STAM2: variants seen among roughly 807,000 people sequenced by gnomAD.
STAM2 encodes the protein signal transducing adaptor molecule 2, also known as signal transducing adapter molecule 2.
In STAM2, 51 loss-of-function variants were observed where a neutral mutation model predicts 65.6. That is an observed-to-expected ratio of 0.78 (90% CI 0.62 to 0.98). STAM2 has a LOEUF of 0.98. STAM2 is among the 50% of genes least tolerant of loss of function. The probability of loss-of-function intolerance (pLI) is 0.00; values close to 1 mark genes in which losing one functional copy is unlikely to be tolerated. For synonymous variants in STAM2, 198 were observed against 208.4 expected (o/e 0.95, Z 0.43); for missense variants, 584 against 617.8 (o/e 0.95, Z 0.58).
intron 4 of STAM2, among the ~76,000 whole-genome samples, chr2:152,147,534 T>C (rs1051829485): frequency 6.6e-6 from 1 of 152,198 alleles, no homozygotes; most frequent in Non-Finnish European, 1.5e-5. Context: ...TCCTAAGTCT[T>C]ACTATAATGA....
chr2:152,120,368 A>T lies in STAM2; in HGVS notation c.*206T>A. The T allele has an allele frequency of 1.8e-6, 1 of 551,688 alleles. No homozygotes were observed. The highest frequency in any genetic ancestry group is 2.5e-5 in the South Asian group (1 of 40,772). 34.2% of individuals were successfully genotyped at this position (551,688 alleles called of 1,614,324 possible). On this transcript the variant is annotated 3_prime_UTR_variant, in exon 14 of 14. Coordinates refer to ENST00000263904, the MANE Select transcript of STAM2 (RefSeq NM_005843.6). ...AGCATCTTTAAGCTGCCTCTGATGA[A>T]AAGATTGACTTCAAACAAACTGGAC...
chr2:152,119,684 C>T lies in STAM2; in HGVS notation c.*890G>A, dbSNP rs1408139179. ...GACCATATCTTCATTAGAGAATAGC[C>T]AAAATCACTTGAAAAGGTTATTAGT... is the stretch of plus-strand genomic sequence containing the variant. On this transcript the variant is annotated 3_prime_UTR_variant, in exon 14 of 14. Transcript: ENST00000263904. 1 of 152,110 alleles carries T rather than the reference C, an allele frequency of 6.6e-6. No individual in the cohort carries two copies. The highest frequency in any genetic ancestry group is 6.6e-5 in the Admixed American group (1 of 15,260). 9.4% of individuals were successfully genotyped at this position (152,110 alleles called of 1,614,324 possible). A position where few individuals can be genotyped will look rare whatever the true frequency, so the allele number is the denominator to read the frequency against.
At chr2:152,131,874 G>C (rs1382611035) in intron 11 of STAM2, 4 of 488,136 alleles carry the variant, frequency 8.2e-6, no homozygotes, top group Non-Finnish European at 1.5e-5. Flanking sequence ...GAACAGACTG[G>C]TTAAAAGTAA....
chr2:152,175,187 G>A (rs1010459491), intron 1 of STAM2, among the ~76,000 whole-genome samples: 4 of 152,172 alleles, frequency 2.6e-5, no homozygotes, highest in African/African-American at 4.8e-5. Flanking sequence ...TCTAGTGTTG[G>A]GCTTCTCTAG....
chr2:152,120,791 T>C lies in STAM2; in HGVS notation c.1361A>G (p.Asp454Gly). The C allele has an allele frequency of 6.2e-7, 1 of 1,614,018 alleles. No homozygotes were observed. The highest frequency in any genetic ancestry group is 1.3e-5 in the African/African-American group (1 of 75,044). Residue 454 changes from aspartate to glycine, a missense_variant, in exon 14 of 14, where the codon GAC (aspartate) becomes GGC (glycine). Coordinates refer to ENST00000263904, the MANE Select transcript of STAM2 (RefSeq NM_005843.6). ...AQTSYLSTGQDTVSNPTYMNQ... is the reference protein window; with the variant it reads ...AQTSYLSTGQGTVSNPTYMNQ... ...CATATAAGTAGGATTGGAAACAGTG[T>C]CTTGTCCAGTGCTACAAACAAAATT...
chr2:152,175,589 G>A lies in STAM2; in HGVS notation c.40+14C>T, dbSNP rs751761940. 1.9e-6 allele frequency: 3 copies of A among 1,614,080 alleles called. No homozygotes were observed. Among genetic ancestry groups the A allele is most frequent in the Non-Finnish European group, 2.5e-6 (3 of 1,179,972 alleles). On this transcript the variant is annotated intron_variant, in intron 1 of 13. Transcript: ENST00000263904. ...CCAGGCACACAGCAGTCCAGGACCG[G>A]GCACAGCACTCACCCACGTCTTGCT... is the stretch of plus-strand genomic sequence containing the variant.
intron 1 of STAM2, among the ~76,000 whole-genome samples, chr2:152,165,261 T>TAA (rs563213920): frequency 2.0e-5 from 3 of 146,712 alleles, no homozygotes; most frequent in East Asian, 2.0e-4. Context: ...TCGTCTCTAT[T>TAA]AAAAAAAAAA....
rs72621654 is a variant in STAM2, at chr2:152,130,542, C to T, written c.1025+1572G>A. Among the ~76,000 whole-genome samples the T allele has an allele frequency of 0.042, 6,401 of 151,664 alleles. 954 individuals are homozygous for T. The East Asian group carries it at 0.54, about 13-fold the overall frequency. On this transcript the variant is annotated intron_variant, in intron 11 of 13. Coordinates refer to ENST00000263904, the MANE Select transcript of STAM2 (RefSeq NM_005843.6). ...CTGGGATTACAGGCTTGAGCCACTG[C>T]GCCTGGCCGCTCCTATTTTTAAAGG...
At chr2:152,151,143 T>A (rs1560218722) in intron 1 of STAM2, among the ~76,000 whole-genome samples, 1 of 150,256 alleles carries the variant, frequency 6.7e-6, no homozygotes, top group Admixed American at 6.7e-5. Flanking sequence ...TCAAAAAAGC[T>A]AACAGCAGAA....
chr2:152,124,678 T>A (rs1157882502), intron 12 of STAM2: 1 of 152,218 alleles, frequency 6.6e-6, no homozygotes, highest in Non-Finnish European at 1.5e-5. Context: ...CAATCCAGTT[T>A]TAAATTAAGC....
intron 7 of STAM2, among the ~76,000 whole-genome samples, chr2:152,136,438 CA>C (rs561671468): frequency 6.8e-5 from 10 of 147,448 alleles, no homozygotes; most frequent in Admixed American, 1.4e-4. Flanking sequence ...GACTCTGTCT[CA>C]AAAAAAAAAT....
intron 1 of STAM2, 67 bp from the exon 2 acceptor site, chr2:152,150,296 G>A: frequency 9.8e-7 from 1 of 1,017,366 alleles, no homozygotes; most frequent in South Asian, 1.4e-5. Flanking sequence ...TACCAGTAAA[G>A]GTCCAACAGT....
chr2:152,152,229 T>C (rs574603802), intron 1 of STAM2, among the ~76,000 whole-genome samples: 85 of 151,950 alleles, frequency 5.6e-4, no homozygotes, highest in South Asian at 2.1e-3. Flanking sequence ...GTTTGAGCCA[T>C]CATGCCCAGT....
Position 152,148,136 on chromosome 2 carries a change from T to TA in STAM2, c.202-15dup, listed in dbSNP as rs1384283395. ...AGCCCCAAGAAGCTATTAATTGAAA[T>TA]AAAAATATATGAATATTGAAATATT... is the stretch of plus-strand genomic sequence containing the variant. On this transcript the variant is annotated splice_polypyrimidine_tract_variant and intron_variant, in intron 3 of 13. Coordinates refer to ENST00000263904, the MANE Select transcript of STAM2 (RefSeq NM_005843.6). 1.3e-6 allele frequency: 2 copies of TA among 1,591,594 alleles called. No homozygotes were observed. The highest frequency in any genetic ancestry group is 1.4e-5 in the African/African-American group (1 of 73,788).
Position 152,119,249 on chromosome 2 carries a change from A to C in STAM2, c.*1325T>G, listed in dbSNP as rs890057773. 6.6e-6 allele frequency: 1 copy of C among 152,200 alleles called. No individual in the cohort carries two copies. The highest frequency in any genetic ancestry group is 1.5e-5 in the Non-Finnish European group (1 of 68,012). 9.4% of individuals were successfully genotyped at this position (152,200 alleles called of 1,614,324 possible). ...ATGAAGTAGTGTGCAAATTTTTAGG[A>C]GAGAAAACAATCCCTACTGGTTTAC... On this transcript the variant is annotated 3_prime_UTR_variant, in exon 14 of 14. Transcript: ENST00000263904.
At chr2:152,166,756 G>C (rs1689794346) in intron 1 of STAM2, among the ~76,000 whole-genome samples, 1 of 152,094 alleles carries the variant, frequency 6.6e-6, no homozygotes, top group South Asian at 2.1e-4. Flanking sequence ...GCACATGCTA[G>C]ATTTCTTTAA....
intron 7 of STAM2, among the ~76,000 whole-genome samples, chr2:152,139,003 A>C (rs1376877036): frequency 6.6e-6 from 1 of 152,184 alleles, no homozygotes; most frequent in East Asian, 1.9e-4. Flanking sequence ...ATGAAGCATA[A>C]AAGTAGGCAA....
At chr2:152,173,406 A>ATGTATACATATATATATATT (rs1560227709) in intron 1 of STAM2, among the ~76,000 whole-genome samples, 9 of 145,234 alleles carry the variant, frequency 6.2e-5, no homozygotes, top group South Asian at 4.3e-4. Context: ...ATATATATAT[A>ATGTATACATATATATATATT]TTTTTTTTCG....
At chr2:152,173,553 T>G (rs747421394) in intron 1 of STAM2, among the ~76,000 whole-genome samples, 90 of 151,902 alleles carry the variant, frequency 5.9e-4, no homozygotes, top group Middle Eastern at 6.8e-3. Flanking sequence ...CGCGCCACCA[T>G]GCCTGGCTAA....
Sources: gnomAD v4.1 joint callset for allele counts (sites outside exome capture counted in the v4.1 genomes callset) on GRCh38, gnomAD v4.1.1 for gene constraint, MANE v1.5 for transcripts, NCBI Gene and HGNC (gene_info 2026-07-23, HGNC 2026-07-21) for gene names.